ZDHHC21: variants seen among roughly 807,000 people sequenced by gnomAD.
ZDHHC21 encodes palmitoyltransferase ZDHHC21.
ZDHHC21 carries 15 observed loss-of-function variants against 34.6 expected under a neutral mutation model. The observed-to-expected ratio is 0.43, with a 90% CI of 0.29 to 0.67. The LOEUF is 0.67. ZDHHC21 is among the 30% of genes least tolerant of loss of function. ZDHHC21 has a pLI of 0.14. For missense variants in ZDHHC21, 344 were observed against 327.7 expected (o/e 1.05, Z -0.38); for synonymous variants, 142 against 101.8 (o/e 1.40, Z -2.38).
chr9:14,634,281 A>G (rs1465907796), intron 8 of ZDHHC21, among the ~76,000 whole-genome samples: 1 of 152,200 alleles, frequency 6.6e-6, no homozygotes, highest in Non-Finnish European at 1.5e-5. Context: ...TTGTTCTGCC[A>G]ATACTATTGC....
intron 4 of ZDHHC21, among the ~76,000 whole-genome samples, chr9:14,673,783 T>A (rs1386518086): frequency 2.0e-5 from 3 of 152,072 alleles, no homozygotes; most frequent in African/African-American, 7.2e-5. Flanking sequence ...AGTGTTATCA[T>A]AATCAACTTC....
At chr9:14,598,933 T>G in the ZDHHC21 span, among the ~76,000 whole-genome samples, 1 of 151,830 alleles carries the variant, frequency 6.6e-6, no homozygotes, top group Non-Finnish European at 1.5e-5. Context: ...AAATTTTTTT[T>G]TGTTATTTTT....
chr9:14,608,120 C>G (rs7022170), downstream of ZDHHC21, among the ~76,000 whole-genome samples: 3,174 of 152,210 alleles, frequency 0.021, 114 homozygotes, highest in African/African-American at 0.071. Context: ...AAATATGAAC[C>G]TGTTTAACAT....
chr9:14,640,307 G>GAAAAAAAAA (rs371542807), intron 7 of ZDHHC21, among the ~76,000 whole-genome samples: 1 of 125,690 alleles, frequency 8.0e-6, no homozygotes, highest in Non-Finnish European at 1.7e-5. Context: ...CCTATTTTGG[G>GAAAAAAAAA]GAAAAAAAAA....
downstream of ZDHHC21, among the ~76,000 whole-genome samples, chr9:14,607,119 C>T (rs189218713): frequency 5.8e-4 from 86 of 147,878 alleles, 1 homozygote; most frequent in African/African-American, 1.9e-3. Context: ...ATGCCCACTA[C>T]AGAGGAATGG....
At chr9:14,631,184 A>C (rs890945288) in intron 8 of ZDHHC21, among the ~76,000 whole-genome samples, 2 of 152,190 alleles carry the variant, frequency 1.3e-5, no homozygotes, top group Non-Finnish European at 2.9e-5. Flanking sequence ...CACCTTGATT[A>C]ATCATCTTAG....
intron 5 of ZDHHC21, among the ~76,000 whole-genome samples, chr9:14,670,603 A>C (rs1346115612): frequency 6.6e-6 from 1 of 152,052 alleles, no homozygotes; most frequent in African/African-American, 2.4e-5. Flanking sequence ...GTAAAGAAGA[A>C]TTTATTTGCT....
At chr9:14,662,600 G>C (rs145597974) in intron 5 of ZDHHC21, among the ~76,000 whole-genome samples, 1 of 152,152 alleles carries the variant, frequency 6.6e-6, no homozygotes, top group Non-Finnish European at 1.5e-5. Flanking sequence ...TTTGGATTCT[G>C]GGTATACTGT....
the ZDHHC21 span, chr9:14,593,922 C>G: frequency 6.6e-6 from 1 of 152,386 alleles, no homozygotes; most frequent in East Asian, 1.9e-4. Context: ...TAACTGGGAG[C>G]AGGAGGGGAT....
At chr9:14,601,759 A>G in the ZDHHC21 span, among the ~76,000 whole-genome samples, 1 of 152,334 alleles carries the variant, frequency 6.6e-6, no homozygotes, top group South Asian at 2.1e-4. Context: ...TTGTGCATCA[A>G]TGATAGACTG....
At chr9:14,608,765 T>C (rs1047204315), downstream of ZDHHC21, among the ~76,000 whole-genome samples, 1 of 152,144 alleles carries the variant, frequency 6.6e-6, no homozygotes, top group Non-Finnish European at 1.5e-5. Context: ...TCTTGCACGC[T>C]AATATAATTG....
intron 2 of ZDHHC21, among the ~76,000 whole-genome samples, chr9:14,687,627 G>A (rs1269886953): frequency 6.6e-6 from 1 of 150,982 alleles, no homozygotes; most frequent in Non-Finnish European, 1.5e-5. Context: ...GCAGTGAGCA[G>A]AAATCATCGT....
At chr9:14,634,301 C>A (rs748321774) in intron 8 of ZDHHC21, among the ~76,000 whole-genome samples, 1 of 152,204 alleles carries the variant, frequency 6.6e-6, no homozygotes, top group African/African-American at 2.4e-5. Flanking sequence ...CCATTACCCA[C>A]GCCATGCCCA....
chr9:14,670,159 A>C (rs1490699023), intron 5 of ZDHHC21, among the ~76,000 whole-genome samples: 1 of 152,154 alleles, frequency 6.6e-6, no homozygotes, highest in Non-Finnish European at 1.5e-5. Context: ...GCCACTTAAA[A>C]CATAAACACG....
intron 7 of ZDHHC21, among the ~76,000 whole-genome samples, chr9:14,658,182 A>G (rs78030239): frequency 0.046 from 7,017 of 152,220 alleles, 546 homozygotes; most frequent in African/African-American, 0.16. Context: ...ATTATTGTAG[A>G]TATTTTTAAA....
rs576259455 is a variant in ZDHHC21, at chr9:14,614,160, A to C, written c.*4806T>G. ...TTGCTGAGATGCTGATTATTCATGC[A>C]CCATCTAGCCTTCTCTCCATCTTAG... On this transcript the variant is annotated 3_prime_UTR_variant, in exon 10 of 10. Transcript: ENST00000380916. 1.3e-4 allele frequency: 20 copies of C among 151,864 alleles called. No homozygotes were observed. The highest frequency in any genetic ancestry group is 2.1e-4 in the Non-Finnish European group (14 of 67,754). The allele number at this position is 151,864 out of a possible 1,614,324, so 9.4% of individuals were successfully genotyped here.
chr9:14,691,867 A>G (rs1039121969), intron 1 of ZDHHC21, among the ~76,000 whole-genome samples: 1 of 152,248 alleles, frequency 6.6e-6, no homozygotes. Flanking sequence ...AAACCACGTT[A>G]AAGGGTCTTA....
intron 5 of ZDHHC21, among the ~76,000 whole-genome samples, chr9:14,665,668 G>C (rs1324294591): frequency 7.3e-6 from 1 of 137,354 alleles, no homozygotes; most frequent in Non-Finnish European, 1.6e-5. Flanking sequence ...AACCCTACAA[G>C]CCAGAAGAGA....
intron 2 of ZDHHC21, among the ~76,000 whole-genome samples, chr9:14,680,684 A>G (rs1837216700): frequency 6.6e-6 from 1 of 152,162 alleles, no homozygotes; most frequent in Non-Finnish European, 1.5e-5. Context: ...CTAATTCACT[A>G]TTTTATTAAT....
Sources: allele counts gnomAD v4.1 joint callset (sites outside exome capture counted in the v4.1 genomes callset), GRCh38; gene constraint gnomAD v4.1.1; transcripts MANE v1.5; gene names NCBI Gene and HGNC (gene_info 2026-07-23, HGNC 2026-07-21).